Variants in FUZ observed in about 807,000 individuals in gnomAD.
FUZ encodes fuzzy planar cell polarity protein, also known as protein fuzzy homolog.
A neutral mutation model predicts 43.1 loss-of-function variants in FUZ; 31 were observed. The observed-to-expected ratio is 0.72, with a 90% CI of 0.54 to 0.97. The LOEUF is 0.97. Ranked by LOEUF, FUZ falls within the 50% of genes least tolerant of loss-of-function variation. The probability of loss-of-function intolerance (pLI) is 0.00; values close to 1 mark genes in which losing one functional copy is unlikely to be tolerated. For missense variants in FUZ, 539 were observed against 543.8 expected (o/e 0.99, Z 0.09); for synonymous variants, 274 against 250.0 (o/e 1.10, Z -0.91).
At position 49,812,319 on chromosome 19, in the gene FUZ, G is replaced by C. The variant is rs747882155; in HGVS notation, c.250C>G (p.Leu84Val). ...TCAGAGATGCCCACCTCAGATGACA[G>C]AACAATGAGGGTGATGCTGTGGAAT... Reference protein sequence around the residue: ...SFHDSITLIVLSSEVGISELR... With the variant: ...SFHDSITLIVVSSEVGISELR... The change falls in exon 3 of 11, where the codon CTG becomes GTG. Residue 84 changes from leucine (L) to valine (V), a missense_variant. Transcript: ENST00000313777. The C allele has an allele frequency of 2.5e-6, 4 of 1,614,042 alleles. No homozygotes were observed. The Admixed American group carries it at 6.7e-5, about 27-fold the overall frequency.
Position 49,810,539 on chromosome 19 carries a change from C to T in FUZ, c.492+824G>A, listed in dbSNP as rs112657132. On this transcript the variant is annotated intron_variant, in intron 5 of 10. Transcript: ENST00000313777. ...AATACAAAAAATTAGCTGGGCCAGG[C>T]GTGGTGACCAGCGCTTATAATCCTA... Among the ~76,000 whole-genome samples the T allele has an allele frequency of 6.0e-3, 911 of 151,650 alleles. 8 individuals carry two copies. Among genetic ancestry groups the T allele is most frequent in the African/African-American group, 0.02 (837 of 41,360 alleles).
intron 2 of FUZ, 84 bp from the exon 3 acceptor site, chr19:49,812,419 C>CTGGT: frequency 7.5e-7 from 1 of 1,341,390 alleles, no homozygotes; most frequent in South Asian, 1.2e-5. Flanking sequence ...GATCCTAGAA[C>CTGGT]ACCAGATACA....
chr19:49,806,994 G>GA lies in FUZ; in HGVS notation c.*156dup. ...CTTTCCCCCCCAAGCACAGAGGGGA[G>GA]AGGGGCCAGGGAAGTGGATGTCTCC... On this transcript the variant is annotated 3_prime_UTR_variant, in exon 11 of 11. Transcript: ENST00000313777. 6.5e-7 allele frequency: 1 copy of GA among 1,526,894 alleles called. No homozygotes were observed. Among genetic ancestry groups the GA allele is most frequent in the Non-Finnish European group, 8.8e-7 (1 of 1,142,148 alleles). 94.6% of individuals were successfully genotyped at this position (1,526,894 alleles called of 1,614,324 possible).
Position 49,808,420 on chromosome 19 carries a change from G to A in FUZ, c.1027C>T (p.Pro343Ser). 1 of 1,612,044 alleles carries A rather than the reference G, an allele frequency of 6.2e-7. No individual in the cohort carries two copies. The highest frequency in any genetic ancestry group is 1.1e-5 in the South Asian group (1 of 90,762). ...CACTGTGCCTTCCGCTGACCTGGTGGGAAGTGCGTGGAGGTGACCAGGGTA... is the reference window on the plus strand; with the variant it reads ...CACTGTGCCTTCCGCTGACCTGGTGAGAAGTGCGTGGAGGTGACCAGGGTA... ...FYTLVTSTHF[P>S]PEPGPPEKTE... Residue 343 changes from proline (P) to serine (S), a missense_variant, in exon 10 of 11, where the codon CCA becomes TCA. By Grantham distance (74) the Pro-to-Ser change is moderately conservative. Coordinates refer to ENST00000313777, the MANE Select transcript of FUZ (RefSeq NM_025129.5).
Position 49,812,643 on chromosome 19 carries a change from T to G in FUZ, c.205A>C (p.Thr69Pro). The change falls in exon 2 of 11, where the codon ACT (threonine) becomes CCT (proline). Residue 69 changes from threonine (T) to proline (P), a missense_variant. By Grantham distance (38) the Thr-to-Pro change is conservative. Coordinates refer to ENST00000313777, the MANE Select transcript of FUZ (RefSeq NM_025129.5). ...TCATGGAAGCTTTTCCACACCACAG[T>G]CGTGTTCTCGGTCCTCGCAGAGCTC... ...QLSSARTENT[T>P]VVWKSFHDSI... The G allele has an allele frequency of 6.2e-7, 1 of 1,614,050 alleles. No individual in the cohort carries two copies. Among genetic ancestry groups the G allele is most frequent in the Non-Finnish European group, 8.5e-7 (1 of 1,179,992 alleles).
In FUZ at chr19:49,808,592, C is replaced by T. The variant is rs1004942345; in HGVS notation, c.940G>A (p.Glu314Lys). The part of the protein sequence containing the change: ...LELKRCLFTV[E>K]PLGDKEPSPE... Reference sequence around the variant, plus strand: ...CAGTCACCTTTATCCCCCAAGGGCTCCACGGTGAAGAGGCAGCGCTTCAGT... The same window carrying T: ...CAGTCACCTTTATCCCCCAAGGGCTTCACGGTGAAGAGGCAGCGCTTCAGT... The change falls in exon 9 of 11, where the codon GAG becomes AAG. Residue 314 changes from glutamate (E) to lysine (K), a missense_variant. Transcript: ENST00000313777. 1 of 1,612,300 alleles carries T rather than the reference C, an allele frequency of 6.2e-7. No individual in the cohort carries two copies. The highest frequency in any genetic ancestry group is 8.5e-7 in the Non-Finnish European group (1 of 1,179,316).
At chr19:49,808,062 TCA>T (rs1210952474) in intron 10 of FUZ, 5 of 385,614 alleles carry the variant, frequency 1.3e-5, no homozygotes, top group East Asian at 6.3e-5. Context: ...GAGCTGAGCC[TCA>T]GTTTCCTCAT....
upstream of FUZ, chr19:49,813,349 T>C (rs1017628387): frequency 4.2e-5 from 25 of 594,862 alleles, no homozygotes; most frequent in Non-Finnish European, 6.4e-5. Context: ...ACGGTACCCC[T>C]AACAAAGATG....
rs144615212 is a variant in FUZ at position 49,812,058 on chromosome 19, A to T, written c.318+193T>A. Among the ~76,000 whole-genome samples the T allele has an allele frequency of 1.4e-4, 21 of 152,336 alleles. No individual in the cohort carries two copies. In the East Asian group the frequency reaches 3.9e-3, roughly 28 times the overall value. ...GGGAGGCAGAGGTTGCAGTGAGCCGAGATCAAGCCACTGCACTCCAGCCTG... is the reference window on the plus strand; with the variant it reads ...GGGAGGCAGAGGTTGCAGTGAGCCGTGATCAAGCCACTGCACTCCAGCCTG... On this transcript the variant is annotated intron_variant, in intron 3 of 10. Coordinates refer to ENST00000313777, the MANE Select transcript of FUZ (RefSeq NM_025129.5).
At chr19:49,812,125 CAAACA>C in intron 3 of FUZ, 121 bp downstream of exon 3, 1 of 762,254 alleles carries the variant, frequency 1.3e-6, no homozygotes, top group Non-Finnish European at 2.3e-6. Flanking sequence ...AACAAACAAA[CAAACA>C]AAAGATTCCT....
chr19:49,807,313 G>GCAAGCTC lies in FUZ; in HGVS notation c.1088_1094dup (p.Cys365TrpfsTer10). ...GTTCCTCAGTCCCCAACACCAGGTA[G>GCAAGCTC]CAAGCTCTGGGCAGCTGGGCCTGGT... On this transcript the variant is annotated frameshift_variant, in exon 11 of 11. Transcript: ENST00000313777. LOFTEE classifies it high-confidence loss of function. 6.2e-7 allele frequency: 1 copy of GCAAGCTC among 1,613,598 alleles called. No individual in the cohort carries two copies. Among genetic ancestry groups the GCAAGCTC allele is most frequent in the Non-Finnish European group, 8.5e-7 (1 of 1,179,952 alleles).
chr19:49,811,335 G>A (rs761977723), intron 5 of FUZ, 28 bp downstream of exon 5: 2 of 1,487,858 alleles, frequency 1.3e-6, no homozygotes, highest in South Asian at 1.2e-5. Context: ...CAGAACAGGT[G>A]TAAGAGTTTC....
intron 3 of FUZ, 122 bp downstream of exon 3, chr19:49,812,129 C>G (rs533824486): frequency 2.6e-6 from 2 of 766,788 alleles, no homozygotes; most frequent in East Asian, 2.7e-5. Flanking sequence ...AACAAACAAA[C>G]AAAAGATTCC....
chr19:49,812,548 C>T, intron 2 of FUZ, 67 bp downstream of exon 2: 1 of 1,609,094 alleles, frequency 6.2e-7, no homozygotes, highest in Non-Finnish European at 8.5e-7. Flanking sequence ...TGGAAGGCCT[C>T]CGGGGTCATC....
At chr19:49,808,883 C>G (rs1331445111) in intron 7 of FUZ, 60 bp from the exon 8 acceptor site, 98 of 581,416 alleles carry the variant, frequency 1.7e-4, no homozygotes, top group Non-Finnish European at 2.4e-4. Context: ...CGGGGGAGGT[C>G]GGGGGGTGTA....
intron 3 of FUZ, 38 bp from the exon 4 acceptor site, chr19:49,811,737 G>T: frequency 1.9e-6 from 3 of 1,541,806 alleles, no homozygotes; most frequent in South Asian, 2.2e-5. Context: ...GCGAGGGGCT[G>T]GGACTTGAAC....
In FUZ at chr19:49,809,007, G is replaced by T; in HGVS notation, c.786+156C>A. The T allele has an allele frequency of 1.1e-6, 1 of 898,882 alleles. No individual in the cohort carries two copies. Among genetic ancestry groups the T allele is most frequent in the Non-Finnish European group, 1.8e-6 (1 of 562,038 alleles). The allele number at this position is 898,882 out of a possible 1,614,324, so 55.7% of individuals were successfully genotyped here. A position where few individuals can be genotyped will look rare whatever the true frequency, so the allele number is the denominator to read the frequency against. ...GCCTGGAAGAATAGAGGCAGAGGCG[G>T]GAGCGGCCGATCTTGGCGGGTAGGT... On this transcript the variant is annotated intron_variant, in intron 7 of 10. Transcript: ENST00000313777. The surrounding 1 kb of genome is among the most constrained non-coding windows in gnomAD (Gnocchi z 5.1).
At position 49,809,580 on chromosome 19, in the gene FUZ, G is replaced by A. The variant is rs1422366406; in HGVS notation, c.493-5C>T. The A allele has an allele frequency of 6.3e-7, 1 of 1,590,010 alleles. No individual in the cohort carries two copies. The highest frequency in any genetic ancestry group is 1.1e-5 in the South Asian group (1 of 88,366). ...AGCGAACCCGGAGAGGGCTTCCTGG[G>A]TACGGGAGGCAGGAGGACTGGGAGT... On this transcript the variant is annotated splice_polypyrimidine_tract_variant and splice_region_variant and intron_variant, in intron 5 of 10. Coordinates refer to ENST00000313777, the MANE Select transcript of FUZ (RefSeq NM_025129.5). This position sits in a 1 kb window ranked among gnomAD's most constrained non-coding sequence, Gnocchi z 5.1.
At chr19:49,808,966 C>T in intron 7 of FUZ, 143 bp from the exon 8 acceptor site, 1 of 870,942 alleles carries the variant, frequency 1.1e-6, no homozygotes, top group Non-Finnish European at 1.8e-6. Context: ...GCAGAAGGGA[C>T]TGGGGAAGGG....
Sources: allele counts gnomAD v4.1 joint callset (sites outside exome capture counted in the v4.1 genomes callset), GRCh38; gene constraint gnomAD v4.1.1; non-coding constraint Gnocchi (gnomAD v3.1); transcripts MANE v1.5; gene names NCBI Gene and HGNC (gene_info 2026-07-23, HGNC 2026-07-21).